STAG2: variants seen among roughly 807,000 people sequenced by gnomAD.
The protein encoded by STAG2 is cohesin subunit SA-2.
Under a neutral mutation model 108.1 loss-of-function variants are expected in STAG2, and 14 were observed. The observed-to-expected ratio is 0.13, with a 90% CI of 0.09 to 0.20. The LOEUF (loss-of-function observed/expected upper bound fraction) is 0.20. Among genes scored for constraint, STAG2 ranks in the 10% least tolerant of loss-of-function variants. The pLI is 1.00. For synonymous variants in STAG2, 307 were observed against 302.7 expected (o/e 1.01, Z -0.15); for missense variants, 440 against 940.9 (o/e 0.47, Z 6.96).
intron 1 of STAG2, among the ~76,000 whole-genome samples, chrX:124,003,314 G>C: frequency 9.0e-6 from 1 of 111,011 alleles, no homozygotes; most frequent in Admixed American, 9.6e-5. Flanking sequence ...TTGCGTCACT[G>C]ATTTCATTGT....
chrX:124,015,008 A>G (rs1457471560), intron 1 of STAG2, among the ~76,000 whole-genome samples: 2 of 47,074 alleles, frequency 4.2e-5, no homozygotes, highest in Admixed American at 7.5e-4. Context: ...TTTTTTTGAG[A>G]CGGAGTCTCA....
At position 124,022,763 on chromosome X, in the gene STAG2, A is replaced by G. The variant is rs1030942698; in HGVS notation, c.44+92A>G. On this transcript the variant is annotated intron_variant, in intron 3 of 34. Transcript: ENST00000371145. ...CTTCAGTTAAATTTCCTTCTGCTCG[A>G]GAAGATCTAATATATAAAATAGCTT... The G allele has an allele frequency of 2.5e-5, 14 of 565,682 alleles. No individual in the cohort carries two copies. In the East Asian group the frequency reaches 5.2e-4, roughly 21 times the overall value. 46.6% of individuals were successfully genotyped at this position (565,682 alleles called of 1,213,427 possible). A position where few individuals can be genotyped will look rare whatever the true frequency, so the allele number is the denominator to read the frequency against.
chrX:124,006,186 C>T (rs984439950), intron 1 of STAG2, among the ~76,000 whole-genome samples: 3 of 111,196 alleles, frequency 2.7e-5, no homozygotes, highest in Non-Finnish European at 5.6e-5. Flanking sequence ...AGCAGAGTTG[C>T]TTTCATGTTT....
At chrX:123,967,931 C>T (rs1421437329) in intron 1 of STAG2, among the ~76,000 whole-genome samples, 1 of 108,186 alleles carries the variant, frequency 9.2e-6, no homozygotes, top group Non-Finnish European at 1.9e-5. Context: ...GATGGAGTCT[C>T]CCTCTGTCGC....
At chrX:123,974,541 T>TA (rs1569489345) in intron 1 of STAG2, among the ~76,000 whole-genome samples, 1 of 103,902 alleles carries the variant, frequency 9.6e-6, no homozygotes, top group Non-Finnish European at 2.0e-5. Context: ...GATCATCTTA[T>TA]ATATGCAGTT....
At chrX:123,975,482 G>C (rs752520762) in intron 1 of STAG2, among the ~76,000 whole-genome samples, 2 of 111,786 alleles carry the variant, frequency 1.8e-5, no homozygotes, top group East Asian at 5.6e-4. Context: ...TTTTTTTTGA[G>C]CCAGAGTTTC....
chrX:123,997,433 A>G (rs2055790044), intron 1 of STAG2, among the ~76,000 whole-genome samples: 1 of 111,637 alleles, frequency 9.0e-6, no homozygotes, highest in Admixed American at 9.6e-5. Context: ...CCCAAACTGA[A>G]ACTCTGGACC....
chrX:124,085,722 C>T (rs774636651), intron 29 of STAG2, among the ~76,000 whole-genome samples: 19 of 98,513 alleles, frequency 1.9e-4, no homozygotes, highest in African/African-American at 7.2e-4. Flanking sequence ...TGCAGTGAGC[C>T]GAGATGGCAC....
Position 124,063,889 on chromosome X carries a change from G to A in STAG2, c.1863G>A (p.Glu621=), listed in dbSNP as rs2148325951. The change falls in exon 20 of 35, where the codon GAG becomes GAA. Residue 621 remains glutamate, a synonymous_variant. Transcript: ENST00000371145. ...TGCGACAGATCCGGAATATTGTAGA[G>A]AAGCACACAGATACAGATGTTTTGG... ...ALLRQIRNIV[E]KHTDTDVLEA... is the part of the protein sequence containing the mutation. 1 of 1,210,802 alleles carries A rather than the reference G, an allele frequency of 8.3e-7. No individual in the cohort carries two copies.
Position 124,004,069 on chromosome X carries a change from C to T in STAG2, c.-162-17298C>T, listed in dbSNP as rs374764060. 2.7e-5 allele frequency among the ~76,000 whole-genome samples: 3 copies of T among 111,920 alleles called. No individual in the cohort carries two copies. The East Asian group carries it at 8.4e-4, about 31-fold the overall frequency. On this transcript the variant is annotated intron_variant, in intron 1 of 34. Transcript: ENST00000371145. Reference sequence around the variant, plus strand: ...ATTAAGTGCTTTCACATTTGTTGTGCAGCCGTCACCACCATCCATCTCTGG... The same window carrying T: ...ATTAAGTGCTTTCACATTTGTTGTGTAGCCGTCACCACCATCCATCTCTGG...
intron 27 of STAG2, among the ~76,000 whole-genome samples, chrX:124,079,141 T>C (rs768712398): frequency 2.6e-4 from 28 of 108,911 alleles, no homozygotes; most frequent in African/African-American, 7.3e-4. Flanking sequence ...TCCTTTTTTT[T>C]TTTTCCTTTT....
chrX:124,025,202 CCA>C (rs1194871691), intron 3 of STAG2, among the ~76,000 whole-genome samples: 41 of 111,510 alleles, frequency 3.7e-4, no homozygotes, highest in African/African-American at 1.3e-3. Flanking sequence ...TGTATAAGAT[CCA>C]CAGTTACTTA....
intron 23 of STAG2, among the ~76,000 whole-genome samples, chrX:124,068,020 A>G (rs1275490469): frequency 3.8e-5 from 4 of 105,746 alleles, no homozygotes; most frequent in African/African-American, 1.4e-4. Context: ...TGGGCAATAG[A>G]GTGAGCTCCA....
At chrX:124,007,924 T>C (rs1007152436) in intron 1 of STAG2, among the ~76,000 whole-genome samples, 7 of 111,868 alleles carry the variant, frequency 6.3e-5, no homozygotes, top group Admixed American at 9.6e-5. Flanking sequence ...GGTTCACTAG[T>C]AACTAAGTTC....
chrX:124,039,363 T>C (rs961081599), intron 6 of STAG2, among the ~76,000 whole-genome samples: 1 of 109,501 alleles, frequency 9.1e-6, no homozygotes, highest in Non-Finnish European at 1.9e-5. Flanking sequence ...CATGGGGTTT[T>C]GCCATGTTGC....
intron 1 of STAG2, among the ~76,000 whole-genome samples, chrX:123,971,392 C>T (rs1255992999): frequency 8.9e-6 from 1 of 112,220 alleles, no homozygotes; most frequent in Non-Finnish European, 1.9e-5. Flanking sequence ...TGCGTCACTG[C>T]ACTCCAGCCT....
intron 19 of STAG2, 25 bp downstream of exon 19, chrX:124,063,230 A>AT (rs1242268421): frequency 9.3e-7 from 1 of 1,078,702 alleles, no homozygotes; most frequent in Non-Finnish European, 1.3e-6. Flanking sequence ...TGTAAAAAAA[A>AT]CCTTTAAGAA....
At chrX:124,024,388 A>C (rs1285347326) in intron 3 of STAG2, among the ~76,000 whole-genome samples, 1 of 110,475 alleles carries the variant, frequency 9.1e-6, no homozygotes, top group Non-Finnish European at 1.9e-5. Context: ...TTTTTTTGCA[A>C]GACCATATAG....
In STAG2 at chrX:124,021,351, C is replaced by T. The variant is rs972548987; in HGVS notation, c.-162-16C>T. 3 of 111,164 alleles carry T rather than the reference C, an allele frequency of 2.7e-5. No individual in the cohort carries two copies. In the East Asian group the frequency reaches 8.4e-4, roughly 31 times the overall value. 9.2% of individuals were successfully genotyped at this position (111,164 alleles called of 1,213,427 possible). A position where few individuals can be genotyped will look rare whatever the true frequency, so the allele number is the denominator to read the frequency against. ...TATTAATTGGATATGTTTAATCTTA[C>T]CTGCTTTTTCTTTAGGTGGCCACCG... On this transcript the variant is annotated splice_polypyrimidine_tract_variant and intron_variant, in intron 1 of 34. Transcript: ENST00000371145.
Sources: allele counts gnomAD v4.1 joint callset (sites outside exome capture counted in the v4.1 genomes callset), GRCh38; gene constraint gnomAD v4.1.1; transcripts MANE v1.5; gene names NCBI Gene and HGNC (gene_info 2026-07-23, HGNC 2026-07-21).